Variants in POLH observed in about 807,000 individuals in gnomAD.
POLH encodes DNA polymerase eta, also known as DNA polymerase eta transcript.
In POLH, 53 loss-of-function variants were observed where a neutral mutation model predicts 73.6. The ratio of observed to expected loss-of-function variants is 0.72; its 90% CI spans 0.58 to 0.91. The LOEUF is 0.91. POLH is among the 40% of genes least tolerant of loss of function. POLH has a pLI of 0.00. For missense variants in POLH, 768 were observed against 865.4 expected (o/e 0.89, Z 1.41); for synonymous variants, 292 against 308.5 (o/e 0.95, Z 0.56).
chr6:43,585,972 C>T (rs940323286), intron 3 of POLH, among the ~76,000 whole-genome samples: 2 of 150,914 alleles, frequency 1.3e-5, no homozygotes, highest in African/African-American at 4.9e-5. Context: ...GAGGCCTATC[C>T]TCTTCCTAGT....
At chr6:43,585,208 C>T (rs9333515) in intron 3 of POLH, among the ~76,000 whole-genome samples, 1,930 of 152,128 alleles carry the variant, frequency 0.013, 44 homozygotes, top group African/African-American at 0.044. Context: ...AGAAGGGGTG[C>T]GGAGCTTTCA....
rs767663227 is a variant in POLH, at chr6:43,605,283, G to T, written c.1038G>T (p.Gln346His). Residue 346 changes from glutamine to histidine, a missense_variant, in exon 9 of 11, where the codon CAG becomes CAT. Coordinates refer to ENST00000372236, the MANE Select transcript of POLH (RefSeq NM_006502.3). ...QVQWWLLQLA[Q>H]ELEERLTKDR... The stretch of plus-strand genomic sequence containing the variant: ...AATGGTGGCTGTTGCAATTAGCCCA[G>T]GAACTAGAGGAGAGACTGACTAAAG... 1.9e-6 allele frequency: 3 copies of T among 1,597,158 alleles called. No homozygotes were observed. The highest frequency in any genetic ancestry group is 1.7e-6 in the Non-Finnish European group (2 of 1,164,888).
intron 6 of POLH, among the ~76,000 whole-genome samples, chr6:43,601,708 G>T (rs1331205354): frequency 6.6e-6 from 1 of 152,096 alleles, no homozygotes; most frequent in Non-Finnish European, 1.5e-5. Flanking sequence ...TGGATCGCTT[G>T]AGCCCAGGAG....
At position 43,618,452 on chromosome 6, in the gene POLH, T is replaced by G. The variant is rs537178098; in HGVS notation, c.*3895T>G. 6.6e-5 allele frequency among the ~76,000 whole-genome samples: 10 copies of G among 150,536 alleles called. No individual in the cohort carries two copies. The East Asian group carries it at 1.8e-3, about 27-fold the overall frequency. On this transcript the variant is annotated 3_prime_UTR_variant, in exon 11 of 11. Coordinates refer to ENST00000372236, the MANE Select transcript of POLH (RefSeq NM_006502.3). ...TAGGCATGAGCCACCACGCCCAGCC[T>G]ATAGTACTGTATTCTTATTCTCCAC...
chr6:43,597,870 A>G lies in POLH; in HGVS notation c.660+5A>G, dbSNP rs754158551. 6.8e-6 allele frequency: 11 copies of G among 1,605,900 alleles called. No individual in the cohort carries two copies. The highest frequency in any genetic ancestry group is 9.4e-6 in the Non-Finnish European group (11 of 1,172,600). ...GCTGGAATTTCACACAATAAGGTGA[A>G]GGCTAATAGTAGATTTCAAAGAGAA... On this transcript the variant is annotated splice_donor_5th_base_variant and intron_variant, in intron 5 of 10. Coordinates refer to ENST00000372236, the MANE Select transcript of POLH (RefSeq NM_006502.3).
chr6:43,599,999 A>G (rs890348069), intron 5 of POLH, among the ~76,000 whole-genome samples: 2 of 151,874 alleles, frequency 1.3e-5, no homozygotes, highest in African/African-American at 4.8e-5. Context: ...TCTCTACTAA[A>G]AATACAAAAT....
rs1165734075 is a variant in POLH at position 43,617,788 on chromosome 6, G to A, written c.*3231G>A. 2.0e-5 allele frequency among the ~76,000 whole-genome samples: 3 copies of A among 152,004 alleles called. No individual in the cohort carries two copies. Among genetic ancestry groups the A allele is most frequent in the Non-Finnish European group, 4.4e-5 (3 of 67,986 alleles). ...ACTGAAAATACAACTGGGCGTGGTGGTGCACGCCTGTAGTCCCAGCTACTT... is the reference window on the plus strand; with the variant it reads ...ACTGAAAATACAACTGGGCGTGGTGATGCACGCCTGTAGTCCCAGCTACTT... On this transcript the variant is annotated 3_prime_UTR_variant, in exon 11 of 11. Coordinates refer to ENST00000372236, the MANE Select transcript of POLH (RefSeq NM_006502.3).
rs1386872475 is a variant in POLH, at chr6:43,581,115, G to A, written c.-4-1201G>A. Among the ~76,000 whole-genome samples the A allele has an allele frequency of 3.4e-3, 492 of 144,100 alleles. 1 individual carries two copies. The highest frequency in any genetic ancestry group is 6.3e-3 in the Admixed American group (94 of 14,840). The allele number at this position is 144,100 out of a possible 152,430, so 94.5% of individuals were successfully genotyped here. A position where few individuals can be genotyped will look rare whatever the true frequency, so the allele number is the denominator to read the frequency against. On this transcript the variant is annotated intron_variant, in intron 1 of 10. Transcript: ENST00000372236. Reference sequence around the variant, plus strand: ...TCTCAGACGGGGCAGCTGCCGGGCGGAGGGGCTCCTCACTTCTCAGACGGG... The same window carrying A: ...TCTCAGACGGGGCAGCTGCCGGGCGAAGGGGCTCCTCACTTCTCAGACGGG...
At chr6:43,595,045 A>G (rs1461772750) in intron 4 of POLH, among the ~76,000 whole-genome samples, 1 of 152,084 alleles carries the variant, frequency 6.6e-6, no homozygotes, top group African/African-American at 2.4e-5. Context: ...AAAAAATACA[A>G]ATTAGCTGGG....
chr6:43,607,181 G>C (rs1018789384), intron 9 of POLH, among the ~76,000 whole-genome samples: 1 of 152,144 alleles, frequency 6.6e-6, no homozygotes, highest in African/African-American at 2.4e-5. Context: ...TGCAACATCC[G>C]CCTCTCCAGT....
chr6:43,578,917 T>G (rs1217908115), intron 1 of POLH, among the ~76,000 whole-genome samples: 1 of 152,222 alleles, frequency 6.6e-6, no homozygotes, highest in Non-Finnish European at 1.5e-5. Flanking sequence ...TATTTTTATG[T>G]GCCAATTGGC....
At position 43,614,598 on chromosome 6, in the gene POLH, T is replaced by C; in HGVS notation, c.*41T>C. ...TGCCTGTAGGATTTAATATTTTTTA[T>C]CTTTACAGATCTTTATCTTTAATAT... is the stretch of plus-strand genomic sequence containing the variant. On this transcript the variant is annotated 3_prime_UTR_variant, in exon 11 of 11. Transcript: ENST00000372236. 6.9e-7 allele frequency: 1 copy of C among 1,457,210 alleles called. No individual in the cohort carries two copies. The highest frequency in any genetic ancestry group is 9.5e-7 in the Non-Finnish European group (1 of 1,048,794). 90.3% of individuals were successfully genotyped at this position (1,457,210 alleles called of 1,614,324 possible).
At chr6:43,581,303 G>A (rs1203509791) in intron 1 of POLH, among the ~76,000 whole-genome samples, 13 of 147,344 alleles carry the variant, frequency 8.8e-5, no homozygotes, top group South Asian at 2.2e-4. Flanking sequence ...ATGGGCGGGC[G>A]GGCAGAGACG....
intron 9 of POLH, among the ~76,000 whole-genome samples, chr6:43,608,006 C>A (rs774201168): frequency 6.6e-6 from 1 of 152,120 alleles, no homozygotes; most frequent in Non-Finnish European, 1.5e-5. Flanking sequence ...TGGCGGGCAC[C>A]TGTAATCCCA....
intron 4 of POLH, among the ~76,000 whole-genome samples, chr6:43,594,105 A>G (rs1201150463): frequency 6.6e-6 from 1 of 152,154 alleles, no homozygotes; most frequent in African/African-American, 2.4e-5. Context: ...TAATACAGAT[A>G]AAGGATTAAA....
chr6:43,606,435 C>CT (rs532899048), intron 9 of POLH, among the ~76,000 whole-genome samples: 1,797 of 145,784 alleles, frequency 0.012, 22 homozygotes, highest in Middle Eastern at 0.018. Context: ...AGTTTCTCTC[C>CT]TTTTTTTTTT....
At chr6:43,601,991 G>A (rs570614136) in intron 6 of POLH, among the ~76,000 whole-genome samples, 1 of 152,350 alleles carries the variant, frequency 6.6e-6, no homozygotes, top group East Asian at 1.9e-4. Flanking sequence ...CCAAGAGGCG[G>A]AGGTTGCAGT....
At position 43,614,709 on chromosome 6, in the gene POLH, C is replaced by T; in HGVS notation, c.*152C>T. The T allele has an allele frequency of 6.0e-6, 4 of 661,784 alleles. No homozygotes were observed. Among genetic ancestry groups the T allele is most frequent in the Non-Finnish European group, 1.0e-5 (4 of 395,412 alleles). The allele number at this position is 661,784 out of a possible 1,614,324, so 41.0% of individuals were successfully genotyped here. On this transcript the variant is annotated 3_prime_UTR_variant, in exon 11 of 11. Coordinates refer to ENST00000372236, the MANE Select transcript of POLH (RefSeq NM_006502.3). ...CCATTTAGGTGCTGAGTTACGGTCC[C>T]ATCTCTTCACAGGCATGGATTCTAA...
In POLH at chr6:43,614,080, CCCATGGT is replaced by C; in HGVS notation, c.1669_1675del (p.Trp557ThrfsTer26). 6.2e-7 allele frequency: 1 copy of C among 1,614,196 alleles called. No individual in the cohort carries two copies. ...CTTCAGTTTCTTCCCCCCAACAAAACCCATGGTCCAACTGTAAAGCATTACCAAACTC... is the reference window on the plus strand; with the variant it reads ...CTTCAGTTTCTTCCCCCCAACAAAACCCAACTGTAAAGCATTACCAAACTC... On this transcript the variant is annotated frameshift_variant, in exon 11 of 11. Coordinates refer to ENST00000372236, the MANE Select transcript of POLH (RefSeq NM_006502.3). LOFTEE classifies it high-confidence loss of function.
Sources: allele counts gnomAD v4.1 joint callset (sites outside exome capture counted in the v4.1 genomes callset), GRCh38; gene constraint gnomAD v4.1.1; transcripts MANE v1.5; gene names NCBI Gene and HGNC (gene_info 2026-07-23, HGNC 2026-07-21).